The following IL1RAPL1 variants were observed in gnomAD, a reference collection of about 807,000 sequenced individuals.
The protein encoded by IL1RAPL1 is interleukin-1 receptor accessory protein-like 1.
In IL1RAPL1, 3 loss-of-function variants were observed where a neutral mutation model predicts 48.4. That is an observed-to-expected ratio of 0.06 (90% CI 0.03 to 0.16). IL1RAPL1 has a LOEUF of 0.16. Ranked by LOEUF, IL1RAPL1 falls within the 10% of genes least tolerant of loss-of-function variation. IL1RAPL1 has a pLI of 1.00. For synonymous variants in IL1RAPL1, 185 were observed against 187.7 expected, an observed-to-expected ratio of 0.99 and a Z score of 0.12; for missense variants, 349 against 530.6, an observed-to-expected ratio of 0.66 and a Z score of 3.36.
chrX:29,212,771 A>T (rs1930794819), intron 2 of IL1RAPL1, among the ~76,000 whole-genome samples: 1 of 112,513 alleles, frequency 8.9e-6, no homozygotes, highest in African/African-American at 3.2e-5. Context: ...AATCATAAGG[A>T]AGTACAAATA....
chrX:29,513,995 T>A (rs1462538691), intron 5 of IL1RAPL1, among the ~76,000 whole-genome samples: 1 of 111,884 alleles, frequency 8.9e-6, no homozygotes, highest in East Asian at 2.8e-4. Context: ...CTGGTTTGAT[T>A]TGACATATGA....
At chrX:29,484,581 G>A (rs1047368143) in intron 5 of IL1RAPL1, among the ~76,000 whole-genome samples, 1 of 111,797 alleles carries the variant, frequency 8.9e-6, no homozygotes, top group Non-Finnish European at 1.9e-5. Flanking sequence ...TACCAGAGGG[G>A]AAGAATGGTT....
At chrX:29,208,300 A>G (rs1043969716) in intron 2 of IL1RAPL1, among the ~76,000 whole-genome samples, 1 of 111,815 alleles carries the variant, frequency 8.9e-6, no homozygotes, top group Non-Finnish European at 1.9e-5. Context: ...CAAAAGCCAT[A>G]AGTCTAAAAA....
intron 6 of IL1RAPL1, among the ~76,000 whole-genome samples, chrX:29,727,088 G>A (rs997566528): frequency 3.6e-5 from 4 of 111,620 alleles, no homozygotes; most frequent in African/African-American, 1.3e-4. Flanking sequence ...ATGATATCTG[G>A]TTACTTTCAG....
At chrX:29,716,920 C>T (rs1011438414) in intron 6 of IL1RAPL1, among the ~76,000 whole-genome samples, 4 of 110,650 alleles carry the variant, frequency 3.6e-5, no homozygotes, top group Non-Finnish European at 5.7e-5. Flanking sequence ...ACATGTATGC[C>T]AAACACTGAA....
chrX:29,506,485 T>C (rs916999442), intron 5 of IL1RAPL1, among the ~76,000 whole-genome samples: 2 of 107,644 alleles, frequency 1.9e-5, no homozygotes, highest in African/African-American at 6.9e-5. Context: ...CTTCTTCTTC[T>C]TTGTGCGTGC....
chrX:29,335,252 G>A (rs1394935346), intron 3 of IL1RAPL1, among the ~76,000 whole-genome samples: 1 of 50,553 alleles, frequency 2.0e-5, no homozygotes, highest in African/African-American at 7.9e-5. Flanking sequence ...GGGAGACCGT[G>A]GAGGGAGACG....
Position 29,396,452 on chromosome X carries a change from C to T in IL1RAPL1, c.549+8C>T, listed in dbSNP as rs201189729. 63 of 1,200,669 alleles carry T rather than the reference C, an allele frequency of 5.2e-5. No individual in the cohort carries two copies. In the African/African-American group the frequency reaches 1.0e-3, roughly 20 times the overall value. ...GAAATCCTTTGGTACAAGGTATGGA[C>T]TGCGGGTGGTTCTATTTCCTATTAA... is the stretch of plus-strand genomic sequence containing the variant. On this transcript the variant is annotated splice_region_variant and intron_variant, in intron 4 of 10. Coordinates refer to ENST00000378993, the MANE Select transcript of IL1RAPL1 (RefSeq NM_014271.4).
At chrX:28,768,891 A>C (rs759359463) in intron 1 of IL1RAPL1, among the ~76,000 whole-genome samples, 2 of 101,342 alleles carry the variant, frequency 2.0e-5, no homozygotes, top group South Asian at 9.3e-4. Context: ...TAGTGTAAAA[A>C]GGTTGTATAT....
chrX:28,937,605 A>G (rs1230520985), intron 2 of IL1RAPL1, among the ~76,000 whole-genome samples: 4 of 111,492 alleles, frequency 3.6e-5, no homozygotes, highest in Non-Finnish European at 7.5e-5. Flanking sequence ...AATCATGGTT[A>G]CTATCATCAC....
intron 1 of IL1RAPL1, among the ~76,000 whole-genome samples, chrX:28,600,131 C>T (rs1177743533): frequency 5.4e-5 from 6 of 111,788 alleles, no homozygotes; most frequent in Non-Finnish European, 1.1e-4. Context: ...CTGACAAGAT[C>T]GTATTTTTTC....
At chrX:29,081,851 C>G (rs144329548) in intron 2 of IL1RAPL1, among the ~76,000 whole-genome samples, 226 of 109,905 alleles carry the variant, frequency 2.1e-3, no homozygotes, top group African/African-American at 6.5e-3. Context: ...AGTAGTGGAT[C>G]TAGTGTGACA....
At chrX:29,267,865 A>G (rs974130474) in intron 2 of IL1RAPL1, among the ~76,000 whole-genome samples, 2 of 111,828 alleles carry the variant, frequency 1.8e-5, no homozygotes, top group African/African-American at 6.5e-5. Context: ...CACAGAACCC[A>G]GAAATTGAAT....
intron 2 of IL1RAPL1, among the ~76,000 whole-genome samples, chrX:28,965,572 C>T (rs1924899375): frequency 8.9e-6 from 1 of 111,865 alleles, no homozygotes; most frequent in South Asian, 3.7e-4. Flanking sequence ...ATTGAACTGG[C>T]ATAATATCAG....
At chrX:29,014,695 A>T (rs920508851) in intron 2 of IL1RAPL1, among the ~76,000 whole-genome samples, 1 of 112,045 alleles carries the variant, frequency 8.9e-6, no homozygotes, top group Non-Finnish European at 1.9e-5. Flanking sequence ...CTTTGGTAGG[A>T]TGTTTTAACA....
chrX:29,137,414 T>C (rs1233780642), intron 2 of IL1RAPL1, among the ~76,000 whole-genome samples: 2 of 112,006 alleles, frequency 1.8e-5, no homozygotes, highest in Non-Finnish European at 3.8e-5. Context: ...TTTTTTGTGG[T>C]GAAATTTAAG....
intron 6 of IL1RAPL1, among the ~76,000 whole-genome samples, chrX:29,692,806 T>C (rs759346813): frequency 7.2e-5 from 8 of 111,738 alleles, no homozygotes; most frequent in South Asian, 3.7e-4. Flanking sequence ...ACTCATTAAG[T>C]AGAGGTCACT....
chrX:29,199,082 G>A (rs776079618), intron 2 of IL1RAPL1, among the ~76,000 whole-genome samples: 3 of 111,538 alleles, frequency 2.7e-5, no homozygotes, highest in Non-Finnish European at 5.6e-5. Context: ...TACATATTTA[G>A]GATATAATTG....
intron 2 of IL1RAPL1, among the ~76,000 whole-genome samples, chrX:29,051,605 A>G (rs1015303732): frequency 4.5e-5 from 5 of 112,304 alleles, no homozygotes; most frequent in African/African-American, 1.6e-4. Flanking sequence ...AAGTGTCTTC[A>G]TTGGGCAGGG....
Sources: allele counts gnomAD v4.1 joint callset (sites outside exome capture counted in the v4.1 genomes callset), GRCh38; gene constraint gnomAD v4.1.1; transcripts MANE v1.5; gene names NCBI Gene and HGNC (gene_info 2026-07-23, HGNC 2026-07-21).